Variants in ANKS1B observed in about 807,000 individuals in gnomAD.
ANKS1B encodes the protein ankyrin repeat and sterile alpha motif domain-containing protein 1B.
Under a neutral mutation model 148.3 loss-of-function variants are expected in ANKS1B, and 36 were observed. That is an observed-to-expected ratio of 0.24 (90% CI 0.19 to 0.32). The LOEUF (loss-of-function observed/expected upper bound fraction) is 0.32. Among genes scored for constraint, ANKS1B ranks in the 10% least tolerant of loss-of-function variants. ANKS1B has a pLI of 1.00. For missense variants in ANKS1B, 1,157 were observed against 1,542.6 expected (o/e 0.75, Z 4.19); for synonymous variants, 542 against 560.8 (o/e 0.97, Z 0.47).
chr12:99,638,285 G>C (rs1314431880), intron 9 of ANKS1B, among the ~76,000 whole-genome samples: 2 of 152,140 alleles, frequency 1.3e-5, no homozygotes, highest in African/African-American at 4.8e-5. Flanking sequence ...CTAGAGACTT[G>C]AGGGCTCAGA....
chr12:98,848,748 T>TTTTTTTTTTTTTGTTTG (rs2099501059), intron 17 of ANKS1B, among the ~76,000 whole-genome samples: 1 of 108,010 alleles, frequency 9.3e-6, no homozygotes, highest in African/African-American at 3.7e-5. Flanking sequence ...GTGTGGTTTT[T>TTTTTTTTTTTTTGTTTG]TTTTTTTTGA....
At chr12:99,850,010 C>T (rs2087441600) in intron 1 of ANKS1B, among the ~76,000 whole-genome samples, 1 of 151,888 alleles carries the variant, frequency 6.6e-6, no homozygotes, top group Non-Finnish European at 1.5e-5. Context: ...TGGAATGTGA[C>T]TGTTTTAATA....
At chr12:99,753,342 G>C (rs570768289) in intron 8 of ANKS1B, among the ~76,000 whole-genome samples, 2 of 152,054 alleles carry the variant, frequency 1.3e-5, no homozygotes, top group Non-Finnish European at 2.9e-5. Flanking sequence ...AAATAACAAA[G>C]GAATAAGCTA....
chr12:99,410,681 A>C (rs183683329), intron 11 of ANKS1B, among the ~76,000 whole-genome samples: 33 of 152,268 alleles, frequency 2.2e-4, no homozygotes, highest in African/African-American at 7.5e-4. Context: ...ACAAACAAAC[A>C]AACCAACAAA....
chr12:99,539,440 T>TA (rs943402566), intron 9 of ANKS1B, among the ~76,000 whole-genome samples: 5 of 152,040 alleles, frequency 3.3e-5, no homozygotes, highest in Admixed American at 3.3e-4. Flanking sequence ...TATTTTAAGT[T>TA]AAAAAATCAA....
chr12:99,548,765 C>T (rs984588784), intron 9 of ANKS1B, among the ~76,000 whole-genome samples: 2 of 152,060 alleles, frequency 1.3e-5, no homozygotes, highest in African/African-American at 4.8e-5. Context: ...ATATTCATTC[C>T]TTTGATGAAC....
At chr12:99,509,926 A>T (rs2096747518) in intron 9 of ANKS1B, among the ~76,000 whole-genome samples, 1 of 152,006 alleles carries the variant, frequency 6.6e-6, no homozygotes, top group South Asian at 2.1e-4. Flanking sequence ...ATGCTCATTT[A>T]CCACTCCAAA....
chr12:98,925,455 A>C (rs1224255307), intron 17 of ANKS1B, among the ~76,000 whole-genome samples: 1 of 152,198 alleles, frequency 6.6e-6, no homozygotes, highest in Non-Finnish European at 1.5e-5. Context: ...TGAATCTCAA[A>C]ATTTTGTAGC....
intron 1 of ANKS1B, among the ~76,000 whole-genome samples, chr12:99,963,559 G>C (rs1385351519): frequency 7.9e-5 from 12 of 152,132 alleles, no homozygotes; most frequent in Non-Finnish European, 1.6e-4. Context: ...AATTATTTCT[G>C]CAATACTTCC....
intron 14 of ANKS1B, among the ~76,000 whole-genome samples, chr12:99,161,742 A>G (rs2153830503): frequency 6.6e-6 from 1 of 152,352 alleles, no homozygotes; most frequent in Admixed American, 6.5e-5. Context: ...ATTTAATTGG[A>G]GCAGACTCTG....
At chr12:99,359,369 T>C (rs2092304399) in intron 12 of ANKS1B, among the ~76,000 whole-genome samples, 1 of 152,128 alleles carries the variant, frequency 6.6e-6, no homozygotes, top group Non-Finnish European at 1.5e-5. Flanking sequence ...TCATACTCAT[T>C]ATTCTCCAGG....
intron 26 of ANKS1B, among the ~76,000 whole-genome samples, chr12:98,746,354 C>T (rs943842484): frequency 2.6e-5 from 4 of 152,196 alleles, no homozygotes; most frequent in Non-Finnish European, 5.9e-5. Flanking sequence ...TTCCTGCCCG[C>T]CAAGCCCACG....
chr12:99,155,183 C>T, intron 14 of ANKS1B: 1 of 1,347,454 alleles, frequency 7.4e-7, no homozygotes, highest in Non-Finnish European at 9.7e-7. Flanking sequence ...GACAGGTTCC[C>T]TTTCTCCTTT....
chr12:99,653,388 A>C (rs2098434513), intron 9 of ANKS1B, among the ~76,000 whole-genome samples: 2 of 152,180 alleles, frequency 1.3e-5, no homozygotes, highest in South Asian at 4.1e-4. Context: ...CAGTTTTATG[A>C]GGGGAAAATA....
At chr12:99,461,610 C>T (rs576260983) in intron 10 of ANKS1B, among the ~76,000 whole-genome samples, 24 of 152,160 alleles carry the variant, frequency 1.6e-4, no homozygotes, top group African/African-American at 5.8e-4. Flanking sequence ...TTCCTCATAG[C>T]TATAATTTAT....
chr12:99,974,267 C>T (rs1056741580), intron 1 of ANKS1B, among the ~76,000 whole-genome samples: 1 of 152,170 alleles, frequency 6.6e-6, no homozygotes, highest in African/African-American at 2.4e-5. Flanking sequence ...GGATGTTGCA[C>T]ACTTAACAGT....
chr12:99,000,982 T>C (rs1238879574), intron 17 of ANKS1B, among the ~76,000 whole-genome samples: 2 of 152,104 alleles, frequency 1.3e-5, no homozygotes, highest in Non-Finnish European at 2.9e-5. Flanking sequence ...TGTGTGTGTG[T>C]GTGCGCGCGT....
At chr12:98,866,944 A>G (rs1472743105) in intron 17 of ANKS1B, among the ~76,000 whole-genome samples, 1 of 152,206 alleles carries the variant, frequency 6.6e-6, no homozygotes, top group Non-Finnish European at 1.5e-5. Context: ...ATATCCCAGC[A>G]CTTGGAGCCT....
intron 8 of ANKS1B, among the ~76,000 whole-genome samples, chr12:99,680,909 C>T (rs117990599): frequency 0.02 from 3,118 of 152,110 alleles, 43 homozygotes; most frequent in Middle Eastern, 0.031. Flanking sequence ...GTATAATGTA[C>T]GAGAGGCAGC....
Sources: allele counts gnomAD v4.1 joint callset (sites outside exome capture counted in the v4.1 genomes callset), GRCh38; gene constraint gnomAD v4.1.1; transcripts MANE v1.5; gene names NCBI Gene and HGNC (gene_info 2026-07-23, HGNC 2026-07-21).